Variants in MITF observed in about 807,000 individuals in gnomAD.
MITF encodes microphthalmia-associated transcription factor.
MITF carries 17 observed loss-of-function variants against 60.5 expected under a neutral mutation model. The observed-to-expected ratio is 0.28, with a 90% CI of 0.19 to 0.42. MITF has a LOEUF of 0.42. MITF is among the 10% of genes least tolerant of loss of function. MITF has a pLI of 1.00. For synonymous variants in MITF, 260 were observed against 248.5 expected (o/e 1.05, Z -0.43); for missense variants, 622 against 683.5 (o/e 0.91, Z 1.00).
chr3:69,905,731 G>C (rs1178706281), intron 2 of MITF, among the ~76,000 whole-genome samples: 1 of 151,086 alleles, frequency 6.6e-6, no homozygotes, highest in Non-Finnish European at 1.5e-5. Context: ...TTTTAAATTT[G>C]CATTTCCCTA....
intron 1 of MITF, among the ~76,000 whole-genome samples, chr3:69,782,809 A>C (rs142763789): frequency 1.3e-5 from 2 of 152,298 alleles, no homozygotes; most frequent in African/African-American, 4.8e-5. Flanking sequence ...ACTTCAGTAA[A>C]TCTAGGAATA....
intron 1 of MITF, among the ~76,000 whole-genome samples, chr3:69,766,923 A>G (rs1274137637): frequency 6.6e-6 from 1 of 152,186 alleles, no homozygotes; most frequent in African/African-American, 2.4e-5. Flanking sequence ...CTGAAGCCCA[A>G]TTACAAATAG....
In MITF at chr3:69,784,459, A is replaced by G. The variant is rs1239025439; in HGVS notation, c.104+44758A>G. On this transcript the variant is annotated intron_variant, in intron 1 of 9. Transcript: ENST00000352241. ...TGAGGATTCTCTGTGATCTCAGAAT[A>G]GGTAGTAATGACTCCCTGAGTTTTA... Among the ~76,000 whole-genome samples, 3 of 152,206 alleles carry G rather than the reference A, an allele frequency of 2.0e-5. No individual in the cohort carries two copies. The East Asian group carries it at 5.8e-4, about 29-fold the overall frequency.
At chr3:69,881,974 C>T (rs758988420) in intron 2 of MITF, among the ~76,000 whole-genome samples, 4 of 152,168 alleles carry the variant, frequency 2.6e-5, no homozygotes, top group Admixed American at 1.3e-4. Context: ...TAAATCTCTC[C>T]GTCTCCCAAG....
chr3:69,925,388 C>T (rs544539229), intron 2 of MITF, among the ~76,000 whole-genome samples: 4 of 152,206 alleles, frequency 2.6e-5, no homozygotes, highest in African/African-American at 4.8e-5. Context: ...AGCAGGCATA[C>T]GTGGAGTATT....
At chr3:69,866,238 CTT>C (rs2064112266) in intron 1 of MITF, 1 of 1,608,250 alleles carries the variant, frequency 6.2e-7, no homozygotes, top group Admixed American at 1.7e-5. Flanking sequence ...CCAGAACTAA[CTT>C]TGACTTTCAC....
At chr3:69,803,232 G>C (rs796472213) in intron 1 of MITF, among the ~76,000 whole-genome samples, 9 of 152,288 alleles carry the variant, frequency 5.9e-5, no homozygotes, top group African/African-American at 1.9e-4. Flanking sequence ...GCCTCACACT[G>C]ATATTTGTTC....
At chr3:69,862,513 A>C (rs2064035000) in intron 1 of MITF, among the ~76,000 whole-genome samples, 1 of 152,254 alleles carries the variant, frequency 6.6e-6, no homozygotes, top group African/African-American at 2.4e-5. Context: ...CGGGCTGGGC[A>C]ATAAAACATT....
chr3:69,775,243 A>G (rs922179516), intron 1 of MITF, among the ~76,000 whole-genome samples: 1 of 152,048 alleles, frequency 6.6e-6, no homozygotes, highest in Non-Finnish European at 1.5e-5. Context: ...TTTGTTCTCC[A>G]TTTTATTCTC....
At chr3:69,845,814 T>C (rs879378149) in intron 1 of MITF, among the ~76,000 whole-genome samples, 5 of 152,202 alleles carry the variant, frequency 3.3e-5, no homozygotes, top group African/African-American at 4.8e-5. Flanking sequence ...TTCTACTCTT[T>C]GGCAGGCACT....
rs137904015 is a variant in MITF, at chr3:69,964,849, A to T, written c.1182A>T (p.Glu394Asp). 1.4e-5 allele frequency: 23 copies of T among 1,614,032 alleles called. No individual in the cohort carries two copies. Among genetic ancestry groups the T allele is most frequent in the Non-Finnish European group, 1.9e-5 (22 of 1,179,966 alleles). ...ANRHLLLRIQ[E>D]LEMQARAHGL... The stretch of plus-strand genomic sequence containing the variant: ...TTTTATCTTTACTCTTATTATAGGA[A>T]CTTGAAATGCAGGCTCGAGCTCATG... Residue 394 changes from glutamate (E) to aspartate (D), a missense_variant and splice_region_variant, in exon 10 of 10, where the codon GAA becomes GAT. Glu to Asp is a conservative substitution (Grantham distance 45). Transcript: ENST00000352241.
At chr3:69,859,110 T>C (rs925865648) in intron 1 of MITF, among the ~76,000 whole-genome samples, 3 of 152,210 alleles carry the variant, frequency 2.0e-5, no homozygotes, top group African/African-American at 7.2e-5. Flanking sequence ...GTGGTGTGTG[T>C]GTCTGCATTG....
At chr3:69,812,243 C>T (rs1364467168) in intron 1 of MITF, among the ~76,000 whole-genome samples, 2 of 152,134 alleles carry the variant, frequency 1.3e-5, no homozygotes, top group Non-Finnish European at 2.9e-5. Flanking sequence ...AGGTGCTTGA[C>T]TCTCCCAGGT....
intron 9 of MITF, among the ~76,000 whole-genome samples, chr3:69,963,670 C>G (rs1237223660): frequency 1.3e-5 from 2 of 152,136 alleles, no homozygotes; most frequent in Non-Finnish European, 2.9e-5. Flanking sequence ...CCCTTGTTTC[C>G]CAGGCCACAA....
At chr3:69,879,921 G>A (rs1018564405) in intron 2 of MITF, among the ~76,000 whole-genome samples, 1 of 152,108 alleles carries the variant, frequency 6.6e-6, no homozygotes, top group African/African-American at 2.4e-5. Flanking sequence ...TTGATTTCTT[G>A]CTAGAGTAGA....
chr3:69,909,820 T>C (rs1029605350), intron 2 of MITF, among the ~76,000 whole-genome samples: 7 of 152,052 alleles, frequency 4.6e-5, no homozygotes, highest in African/African-American at 1.7e-4. Context: ...AACCATTCCA[T>C]TTTAAAAGGA....
chr3:69,832,289 G>A (rs180871925), intron 1 of MITF, among the ~76,000 whole-genome samples: 1 of 152,256 alleles, frequency 6.6e-6, no homozygotes, highest in Admixed American at 6.5e-5. Flanking sequence ...TCTATCTCAA[G>A]GGAAAGGACT....
intron 1 of MITF, chr3:69,752,357 A>T (rs1340358188): frequency 1.3e-5 from 2 of 152,210 alleles, no homozygotes; most frequent in African/African-American, 4.8e-5. Context: ...AATTTCCTAG[A>T]GACTGATTAA....
rs575556062 is a variant in MITF at position 69,966,105 on chromosome 3, C to T, written c.*857C>T. The T allele has an allele frequency of 2.2e-5, 5 of 232,460 alleles. No individual in the cohort carries two copies. The highest frequency in any genetic ancestry group is 4.3e-5 in the Non-Finnish European group (5 of 117,556). The allele number at this position is 232,460 out of a possible 1,614,324, so 14.4% of individuals were successfully genotyped here. On this transcript the variant is annotated 3_prime_UTR_variant, in exon 10 of 10. Transcript: ENST00000352241. ...TTTTGCTTTTGATAAGAAAACCGAA[C>T]TGGGCATATTTCTAATTGGCTTTAC...
Sources: allele counts gnomAD v4.1 joint callset (sites outside exome capture counted in the v4.1 genomes callset), GRCh38; gene constraint gnomAD v4.1.1; transcripts MANE v1.5; gene names NCBI Gene and HGNC (gene_info 2026-07-23, HGNC 2026-07-21).